ACVR1: variants seen among roughly 807,000 people sequenced by gnomAD.
ACVR1 encodes the protein activin A receptor type 1, also known as activin receptor type-1.
In ACVR1, 38 loss-of-function variants were observed where a neutral mutation model predicts 57.1. That is an observed-to-expected ratio of 0.67 (90% CI 0.51 to 0.87). ACVR1 has a LOEUF of 0.87. Ranked by LOEUF, ACVR1 falls within the 40% of genes least tolerant of loss-of-function variation. The probability of loss-of-function intolerance (pLI) is 0.00; values close to 1 mark genes in which losing one functional copy is unlikely to be tolerated. For missense variants in ACVR1, 463 were observed against 638.2 expected (o/e 0.73, Z 2.96); for synonymous variants, 212 against 228.1 (o/e 0.93, Z 0.63).
chr2:157,833,250 C>T (rs1156411789), intron 1 of ACVR1, among the ~76,000 whole-genome samples: 3 of 152,182 alleles, frequency 2.0e-5, no homozygotes, highest in African/African-American at 7.2e-5. Context: ...AGGTTGGCTT[C>T]CTGTATCTTT....
intron 1 of ACVR1, among the ~76,000 whole-genome samples, chr2:157,865,995 C>T (rs1689917299): frequency 6.6e-6 from 1 of 152,052 alleles, no homozygotes. Context: ...TACACCCTTC[C>T]TGTACTTCAA....
intron 10 of ACVR1, 33 bp downstream of exon 10, chr2:157,738,407 A>G (rs1394914362): frequency 6.2e-7 from 1 of 1,613,706 alleles, no homozygotes; most frequent in East Asian, 2.2e-5. Context: ...ACAATGGAAA[A>G]GAGCTCTAAA....
At position 157,774,205 on chromosome 2, in the gene ACVR1, G is replaced by C. The variant is rs750387998; in HGVS notation, c.544-18C>G. Reference sequence around the variant, plus strand: ...AATAAATCCTGTGGTTTAAGACAAGGGGGAAAAGAAACGATTGAGCAATAT... The same window carrying C: ...AATAAATCCTGTGGTTTAAGACAAGCGGGAAAAGAAACGATTGAGCAATAT... On this transcript the variant is annotated intron_variant, in intron 5 of 10. Transcript: ENST00000434821. 6 of 1,604,362 alleles carry C rather than the reference G, an allele frequency of 3.7e-6. No individual in the cohort carries two copies. The Admixed American group carries it at 1.0e-4, about 27-fold the overall frequency.
intron 3 of ACVR1, among the ~76,000 whole-genome samples, chr2:157,785,389 T>A (rs1686677039): frequency 6.6e-6 from 1 of 152,186 alleles, no homozygotes; most frequent in Non-Finnish European, 1.5e-5. Context: ...CGTCTCCTAA[T>A]CCGGGAGCAC....
chr2:157,847,178 T>A (rs909800536), intron 1 of ACVR1, among the ~76,000 whole-genome samples: 3 of 152,208 alleles, frequency 2.0e-5, no homozygotes, highest in African/African-American at 7.2e-5. Context: ...CACATGCATA[T>A]AAAACTGAAA....
chr2:157,855,930 A>C (rs1177858867), intron 1 of ACVR1, among the ~76,000 whole-genome samples: 4 of 152,092 alleles, frequency 2.6e-5, no homozygotes, highest in Non-Finnish European at 5.9e-5. Flanking sequence ...AAATCTCTTC[A>C]ATGACTAAAA....
chr2:157,873,144 C>T (rs1690167606), intron 1 of ACVR1, among the ~76,000 whole-genome samples: 1 of 152,088 alleles, frequency 6.6e-6, no homozygotes, highest in Non-Finnish European at 1.5e-5. Context: ...GGGACTCAGC[C>T]ATGGTAAACT....
intron 1 of ACVR1, among the ~76,000 whole-genome samples, chr2:157,852,882 C>G (rs1689371300): frequency 6.6e-6 from 1 of 152,148 alleles, no homozygotes; most frequent in South Asian, 2.1e-4. Flanking sequence ...TACCAACCTG[C>G]TGACCGGAAA....
intron 1 of ACVR1, among the ~76,000 whole-genome samples, chr2:157,862,256 G>T (rs1689747147): frequency 6.6e-6 from 1 of 151,906 alleles, no homozygotes; most frequent in Non-Finnish European, 1.5e-5. Flanking sequence ...CTGTACTACA[G>T]AACTGTACAT....
At chr2:157,789,573 G>A (rs1425148543) in intron 3 of ACVR1, among the ~76,000 whole-genome samples, 1 of 152,178 alleles carries the variant, frequency 6.6e-6, no homozygotes, top group African/African-American at 2.4e-5. Context: ...TCCTTCCAGA[G>A]CCTGCTTCCA....
chr2:157,746,048 T>C (rs1219482289), intron 9 of ACVR1, among the ~76,000 whole-genome samples: 2 of 152,128 alleles, frequency 1.3e-5, no homozygotes, highest in South Asian at 4.1e-4. Context: ...CTGGATTCCA[T>C]CACAAAATAA....
intron 3 of ACVR1, among the ~76,000 whole-genome samples, chr2:157,784,781 C>G (rs963233304): frequency 3.3e-5 from 5 of 152,242 alleles, no homozygotes; most frequent in Non-Finnish European, 7.3e-5. Context: ...AAGATTTTTC[C>G]TGCTCTGTAT....
At chr2:157,806,856 T>C (rs905286254) in intron 2 of ACVR1, 2 of 152,246 alleles carry the variant, frequency 1.3e-5, no homozygotes, top group Admixed American at 6.5e-5. Context: ...TTATATAGAC[T>C]TCACTGCTGC....
intron 3 of ACVR1, 58 bp from the exon 4 acceptor site, chr2:157,780,658 T>TCCC (rs1686481344): frequency 6.3e-7 from 1 of 1,585,686 alleles, no homozygotes; most frequent in Non-Finnish European, 8.6e-7. Context: ...CCGTATGAGT[T>TCCC]TCACCTTCAT....
At chr2:157,784,582 G>A (rs373838583) in intron 3 of ACVR1, among the ~76,000 whole-genome samples, 2 of 152,244 alleles carry the variant, frequency 1.3e-5, no homozygotes, top group African/African-American at 2.4e-5. Flanking sequence ...CTGGCACTGC[G>A]TGCCCTTTGT....
chr2:157,749,731 C>G (rs928750670), intron 9 of ACVR1, among the ~76,000 whole-genome samples: 4 of 152,216 alleles, frequency 2.6e-5, no homozygotes, highest in African/African-American at 4.8e-5. Context: ...CAGGCCTGCC[C>G]CACTCACCTC....
At chr2:157,768,966 C>T (rs1466033456) in intron 7 of ACVR1, among the ~76,000 whole-genome samples, 1 of 152,182 alleles carries the variant, frequency 6.6e-6, no homozygotes, top group Non-Finnish European at 1.5e-5. Context: ...TTAACTGCAA[C>T]ACAAGGCAGT....
chr2:157,807,935 C>T (rs62175461), intron 2 of ACVR1, among the ~76,000 whole-genome samples: 6 of 148,328 alleles, frequency 4.0e-5, no homozygotes, highest in Non-Finnish European at 9.0e-5. Context: ...TCTCTCTCTC[C>T]CTCTCTCTCT....
At position 157,770,467 on chromosome 2, in the gene ACVR1, TC is replaced by T; in HGVS notation, c.690del (p.Asn231MetfsTer4). 1 of 1,613,872 alleles carries T rather than the reference TC, an allele frequency of 6.2e-7. No homozygotes were observed. The highest frequency in any genetic ancestry group is 8.5e-7 in the Non-Finnish European group (1 of 1,179,834). On this transcript the variant is annotated frameshift_variant, in exon 7 of 11. Coordinates refer to ENST00000434821, the MANE Select transcript of ACVR1 (RefSeq NM_001111067.4). LOFTEE classifies it high-confidence loss of function. ...GEVWRGSWQGENVAVKIFSSR... is the reference protein window; with the variant it reads ...GEVWRGSWQGXNVAVKIFSSR... ...GAGGAGAAGATCTTCACGGCAACAT[TC>T]TCCCCTTGCCAGCTGCCCCTCCACA... is the stretch of plus-strand genomic sequence containing the variant.
Sources: allele counts gnomAD v4.1 joint callset (sites outside exome capture counted in the v4.1 genomes callset), GRCh38; gene constraint gnomAD v4.1.1; transcripts MANE v1.5; gene names NCBI Gene and HGNC (gene_info 2026-07-23, HGNC 2026-07-21).